The following DMD variants were observed in gnomAD, a reference collection of about 807,000 sequenced individuals.
DMD encodes the protein mutant dystrophin.
A neutral mutation model predicts 330.1 loss-of-function variants in DMD; 63 were observed. That is an observed-to-expected ratio of 0.19 (90% confidence interval 0.16 to 0.24). The LOEUF (loss-of-function observed/expected upper bound fraction) is 0.24, where lower values mean the gene tolerates loss of function less well. Ranked by LOEUF, DMD falls within the 10% of genes least tolerant of loss-of-function variation. The pLI is 1.00. For synonymous variants in DMD, 1,223 were observed against 959.8 expected, an observed-to-expected ratio of 1.27 and a Z score of -5.07; for missense variants, 3,344 against 2,684.1, an observed-to-expected ratio of 1.25 and a Z score of -5.43.
chrX:32,559,632 G>T (rs2050762937), intron 16 of DMD, among the ~76,000 whole-genome samples: 1 of 111,478 alleles, frequency 9.0e-6, no homozygotes, highest in African/African-American at 3.3e-5. Flanking sequence ...TTTATGAAGG[G>T]TTAAAATAGA....
At position 33,013,246 on chromosome X, in the gene DMD, T is replaced by C. The variant is rs73621860; in HGVS notation, c.93+6893A>G. Among the ~76,000 whole-genome samples, 1,088 of 111,374 alleles carry C rather than the reference T, an allele frequency of 9.8e-3. 13 individuals are homozygous for C. Among genetic ancestry groups the C allele is most frequent in the African/African-American group, 0.033 (1,020 of 30,681 alleles). ...ACATTTTACTCATCTTGAATACTTG[T>C]ATCATATGATTATTGGAGCAACTAA... is the stretch of plus-strand genomic sequence containing the variant. On this transcript the variant is annotated intron_variant, in intron 2 of 78. Transcript: ENST00000357033.
chrX:31,721,685 A>ACTCTCTCTCTCTCT (rs767300805), intron 52 of DMD, among the ~76,000 whole-genome samples: 4 of 39,585 alleles, frequency 1.0e-4, no homozygotes, highest in African/African-American at 1.3e-4. Flanking sequence ...TCTCTCTCTC[A>ACTCTCTCTCTCTCT]CTCTCTCTCT....
chrX:31,878,101 G>A (rs772021645), intron 47 of DMD, among the ~76,000 whole-genome samples: 20 of 111,639 alleles, frequency 1.8e-4, no homozygotes, highest in African/African-American at 5.8e-4. Flanking sequence ...TCCCTTCCTT[G>A]TAATAGAGGT....
At chrX:32,771,360 G>C (rs779041120) in intron 7 of DMD, among the ~76,000 whole-genome samples, 193 of 111,472 alleles carry the variant, frequency 1.7e-3, no homozygotes, top group Admixed American at 3.0e-3. Flanking sequence ...ATGAAAGTTT[G>C]TCACACTTAA....
At chrX:31,609,277 T>C (rs1347929896) in intron 55 of DMD, among the ~76,000 whole-genome samples, 2 of 111,834 alleles carry the variant, frequency 1.8e-5, no homozygotes, top group Non-Finnish European at 3.8e-5. Context: ...ACGAGTCTTG[T>C]CTTACTCAAC....
intron 29 of DMD, among the ~76,000 whole-genome samples, chrX:32,435,433 A>G (rs986402487): frequency 9.3e-6 from 1 of 107,770 alleles, no homozygotes; most frequent in African/African-American, 3.3e-5. Flanking sequence ...TCCTGGAACC[A>G]TAGTACTTTA....
chrX:33,113,305 C>A (rs753049911), intron 1 of DMD, among the ~76,000 whole-genome samples: 189 of 110,947 alleles, frequency 1.7e-3, no homozygotes, highest in Non-Finnish European at 2.8e-3. Flanking sequence ...GATCCGCACG[C>A]CTCAGCCGCC....
chrX:32,800,035 G>A (rs1028338415), intron 7 of DMD, among the ~76,000 whole-genome samples: 2 of 111,491 alleles, frequency 1.8e-5, no homozygotes, highest in Non-Finnish European at 3.8e-5. Context: ...TATCAACAAA[G>A]CTTATGTTTA....
At chrX:32,212,273 T>G (rs774212500) in intron 44 of DMD, among the ~76,000 whole-genome samples, 1 of 111,542 alleles carries the variant, frequency 9.0e-6, no homozygotes, top group African/African-American at 3.2e-5. Flanking sequence ...AAAAATAAGG[T>G]TTTATGAAAT....
intron 1 of DMD, among the ~76,000 whole-genome samples, chrX:33,244,802 A>T (rs1196410231): frequency 8.9e-6 from 1 of 111,947 alleles, no homozygotes; most frequent in African/African-American, 3.2e-5. Flanking sequence ...GTAGGAGTGT[A>T]TTTTGATGTG....
In DMD at chrX:32,491,404, ATGT is replaced by A. The variant is rs771166460; in HGVS notation, c.2492_2494del (p.Asn831del). On this transcript the variant is annotated inframe_deletion, in exon 20 of 79. Coordinates refer to ENST00000357033, the MANE Select transcript of DMD (RefSeq NM_004006.3). Reference sequence around the variant, plus strand: ...TTGTAGCTGATTATAGAAAGCGATGATGTTGTTCTGATACTCCAGCCAGTTAAG... The same window carrying A: ...TTGTAGCTGATTATAGAAAGCGATGATGTTCTGATACTCCAGCCAGTTAAG... The A allele has an allele frequency of 4.1e-6, 5 of 1,210,083 alleles. No individual in the cohort carries two copies. Among genetic ancestry groups the A allele is most frequent in the East Asian group, 3.0e-5 (1 of 33,783 alleles).
chrX:32,794,657 T>C (rs1054540561), intron 7 of DMD, among the ~76,000 whole-genome samples: 2 of 111,740 alleles, frequency 1.8e-5, no homozygotes, highest in Admixed American at 1.9e-4. Flanking sequence ...TCATTCAACA[T>C]AGTACTGGAG....
intron 68 of DMD, 116 bp from the exon 69 acceptor site, chrX:31,180,597 T>C (rs2041057875): frequency 1.8e-6 from 1 of 567,843 alleles, no homozygotes; most frequent in African/African-American, 2.2e-5. Flanking sequence ...CAATGTTCAT[T>C]AGTCCCACAA....
At chrX:32,343,070 G>A (rs2097752334) in intron 40 of DMD, 64 bp downstream of exon 40, 1 of 1,050,574 alleles carries the variant, frequency 9.5e-7, no homozygotes. Flanking sequence ...TTTTAAATAT[G>A]ATCTTCACAG....
intron 17 of DMD, among the ~76,000 whole-genome samples, chrX:32,539,824 G>C (rs1470689516): frequency 9.0e-6 from 1 of 111,396 alleles, no homozygotes; most frequent in African/African-American, 3.3e-5. Context: ...CAGGTATGTA[G>C]ATCAGTCAAT....
At chrX:32,319,468 T>A (rs186269587) in intron 41 of DMD, among the ~76,000 whole-genome samples, 21 of 111,941 alleles carry the variant, frequency 1.9e-4, no homozygotes, top group Non-Finnish European at 3.8e-4. Flanking sequence ...AATTATAAGA[T>A]AGATATGTGG....
chrX:31,791,183 A>AC (rs2091552337), intron 50 of DMD, among the ~76,000 whole-genome samples: 1 of 112,168 alleles, frequency 8.9e-6, no homozygotes, highest in Non-Finnish European at 1.9e-5. Flanking sequence ...CTTTACTCTT[A>AC]GAGTTGATTT....
chrX:32,800,307 TTCTAAG>T (rs1183848709), intron 7 of DMD, among the ~76,000 whole-genome samples: 5 of 112,031 alleles, frequency 4.5e-5, no homozygotes, highest in African/African-American at 6.5e-5. Context: ...GAAGAGAGTG[TTCTAAG>T]TCTGAGACTT....
chrX:31,363,715 C>T, intron 60 of DMD, among the ~76,000 whole-genome samples: 1 of 112,092 alleles, frequency 8.9e-6, no homozygotes, highest in East Asian at 2.8e-4. Flanking sequence ...TTCTCAACTT[C>T]AGCATTATTG....
Sources: allele counts gnomAD v4.1 joint callset (sites outside exome capture counted in the v4.1 genomes callset), GRCh38; gene constraint gnomAD v4.1.1; transcripts MANE v1.5; gene names NCBI Gene and HGNC (gene_info 2026-07-23, HGNC 2026-07-21).